Variants in DIS3L2 observed in about 807,000 individuals in gnomAD.
DIS3L2 encodes the protein DIS3 like 3'-5' exoribonuclease 2, also known as DIS3-like exonuclease 2.
DIS3L2 carries 34 observed loss-of-function variants against 97.5 expected under a neutral mutation model. The ratio of observed to expected loss-of-function variants is 0.35; its 90% confidence interval spans 0.27 to 0.46. The LOEUF is 0.46. Among genes scored for constraint, DIS3L2 ranks in the 20% least tolerant of loss-of-function variants. The pLI is 1.00. For synonymous variants in DIS3L2, 435 were observed against 445.2 expected, an observed-to-expected ratio of 0.98 and a Z score of 0.29; for missense variants, 1,038 against 1,146.0, an observed-to-expected ratio of 0.91 and a Z score of 1.36.
intron 5 of DIS3L2, among the ~76,000 whole-genome samples, chr2:232,038,523 G>A (rs1228993658): frequency 6.6e-6 from 1 of 152,188 alleles, no homozygotes; most frequent in Non-Finnish European, 1.5e-5. Flanking sequence ...GCAAGGCCAA[G>A]TAACCTGGCA....
exon 14 of DIS3L2, chr2:232,344,042 A>G (rs1444339862): frequency 6.4e-6 from 1 of 155,258 alleles, no homozygotes; most frequent in African/African-American, 2.4e-5. Context: ...CTGTAGGAGA[A>G]GACGCATTGC....
intron 4 of DIS3L2, among the ~76,000 whole-genome samples, chr2:232,026,692 C>T (rs962081662): frequency 6.6e-6 from 1 of 152,022 alleles, no homozygotes; most frequent in African/African-American, 2.4e-5. Context: ...AGCAGAGGTC[C>T]TATGGTTCCT....
intron 1 of DIS3L2, among the ~76,000 whole-genome samples, chr2:231,974,080 A>G (rs1417676138): frequency 6.6e-6 from 1 of 152,060 alleles, no homozygotes; most frequent in East Asian, 1.9e-4. Context: ...TTTTCCTTTC[A>G]TATGCAAAGA....
rs1690715687 is a variant in DIS3L2 at position 232,163,513 on chromosome 2, A to C, written c.1005A>C (p.Gly335=). 5.6e-6 allele frequency: 9 copies of C among 1,614,064 alleles called. No individual in the cohort carries two copies. The highest frequency in any genetic ancestry group is 6.8e-6 in the Non-Finnish European group (8 of 1,180,020). ...GTGAAATTGAGCCTGAAACAGAAGG[A>C]ATACTAACAGAGTATGGCGTGGATT... is the stretch of plus-strand genomic sequence containing the variant. ...QAGEIEPETE[G]ILTEYGVDFS... The change falls in exon 9 of 21, where the codon GGA becomes GGC. Residue 335 remains glycine (G), a synonymous_variant. Coordinates refer to ENST00000325385, the MANE Select transcript of DIS3L2 (RefSeq NM_152383.5).
At chr2:232,315,385 T>A (rs1340618085) in intron 14 of DIS3L2, among the ~76,000 whole-genome samples, 3 of 152,178 alleles carry the variant, frequency 2.0e-5, no homozygotes, top group Non-Finnish European at 1.5e-5. Context: ...AAGAAACAGG[T>A]CATAGGACTG....
intron 11 of DIS3L2, among the ~76,000 whole-genome samples, chr2:232,247,991 A>G (rs2853357): frequency 0.22 from 33,697 of 152,152 alleles, 4,497 homozygotes; most frequent in South Asian, 0.47. Flanking sequence ...GTAGTCATTA[A>G]GTTTCATACA....
chr2:232,046,580 G>A (rs1343653348), intron 5 of DIS3L2, among the ~76,000 whole-genome samples: 1 of 152,142 alleles, frequency 6.6e-6, no homozygotes, highest in Non-Finnish European at 1.5e-5. Flanking sequence ...GGGCTTCAGA[G>A]GTTTCAAGTA....
chr2:232,325,964 G>A lies in DIS3L2; in HGVS notation c.1740-3849G>A, dbSNP rs1008406674. The stretch of plus-strand genomic sequence containing the variant: ...CCACTCTGCGCCCTTCGGGGCTCCC[G>A]TGGCCCAGAGTGTGGAGCGGCTCAA... On this transcript the variant is annotated intron_variant, in intron 14 of 20. Coordinates refer to ENST00000325385, the MANE Select transcript of DIS3L2 (RefSeq NM_152383.5). This position sits in a 1 kb window ranked among gnomAD's most constrained non-coding sequence, Gnocchi z 4.6. Among the ~76,000 whole-genome samples, 4 of 152,194 alleles carry A rather than the reference G, an allele frequency of 2.6e-5. No homozygotes were observed. Among genetic ancestry groups the A allele is most frequent in the African/African-American group, 9.7e-5 (4 of 41,440 alleles).
chr2:232,072,984 C>T (rs1398090178), intron 5 of DIS3L2, among the ~76,000 whole-genome samples: 1 of 152,090 alleles, frequency 6.6e-6, no homozygotes, highest in East Asian at 1.9e-4. Flanking sequence ...TTTGGATTAG[C>T]TACCCTAAGC....
rs1472127498 is a variant in DIS3L2 at position 231,984,543 on chromosome 2, C to T, written c.-94+22778C>T. 2.0e-5 allele frequency among the ~76,000 whole-genome samples: 3 copies of T among 151,730 alleles called. No homozygotes were observed. In the East Asian group the frequency reaches 5.8e-4, roughly 29 times the overall value. On this transcript the variant is annotated intron_variant, in intron 1 of 20. Coordinates refer to ENST00000325385, the MANE Select transcript of DIS3L2 (RefSeq NM_152383.5). ...CTGGGACTACAGGCGCCTGCTACCA[C>T]GCCCGGCTAATTTTTTTTTTTTTGT...
chr2:231,976,934 A>AT (rs1414975553), intron 1 of DIS3L2, among the ~76,000 whole-genome samples: 6 of 151,256 alleles, frequency 4.0e-5, no homozygotes, highest in Non-Finnish European at 8.8e-5. Flanking sequence ...CGCCCAGCTA[A>AT]TTTTTTGTAT....
In DIS3L2 at chr2:232,336,742, TTTG is replaced by T; in HGVS notation, c.*115_*117del. The T allele has an allele frequency of 2.7e-6, 4 of 1,487,228 alleles. No individual in the cohort carries two copies. 92.1% of individuals were successfully genotyped at this position (1,487,228 alleles called of 1,614,324 possible). A position where few individuals can be genotyped will look rare whatever the true frequency, so the allele number is the denominator to read the frequency against. The stretch of plus-strand genomic sequence containing the variant: ...AATTTGGTTTTTAACAACTCAGGGG[TTTG>T]TTTTTATTTTTATTTAATTTTTGCA... On this transcript the variant is annotated 3_prime_UTR_variant, in exon 21 of 21. Coordinates refer to ENST00000325385, the MANE Select transcript of DIS3L2 (RefSeq NM_152383.5).
At chr2:232,192,005 A>G (rs1259529059) in intron 9 of DIS3L2, among the ~76,000 whole-genome samples, 1 of 152,096 alleles carries the variant, frequency 6.6e-6, no homozygotes, top group Non-Finnish European at 1.5e-5. Flanking sequence ...TCTCTACCCT[A>G]GTGTTTGTTA....
At chr2:232,296,326 G>T (rs542156464) in intron 13 of DIS3L2, among the ~76,000 whole-genome samples, 1 of 152,332 alleles carries the variant, frequency 6.6e-6, no homozygotes, top group South Asian at 2.1e-4. Context: ...ATTGTGGTTT[G>T]CTCAAACTAC....
At position 232,336,801 on chromosome 2, in the gene DIS3L2, G is replaced by T; in HGVS notation, c.*171G>T. On this transcript the variant is annotated 3_prime_UTR_variant, in exon 21 of 21. Transcript: ENST00000325385. ...ACTTTTAAACAAACTGCAGGGGAGA[G>T]GGTGGGGCTGGAAGGAAGGCTGAGG... 7.0e-7 allele frequency: 1 copy of T among 1,433,984 alleles called. No individual in the cohort carries two copies. Among genetic ancestry groups the T allele is most frequent in the South Asian group, 1.5e-5 (1 of 67,854 alleles). The allele number at this position is 1,433,984 out of a possible 1,614,324, so 88.8% of individuals were successfully genotyped here.
At chr2:232,162,854 T>C (rs1193956314) in intron 8 of DIS3L2, among the ~76,000 whole-genome samples, 2 of 152,228 alleles carry the variant, frequency 1.3e-5, no homozygotes, top group Non-Finnish European at 2.9e-5. Flanking sequence ...CTGTTCATAA[T>C]GTTAGCATTG....
At chr2:232,301,057 C>T (rs182155437) in intron 14 of DIS3L2, among the ~76,000 whole-genome samples, 3 of 152,308 alleles carry the variant, frequency 2.0e-5, no homozygotes, top group Admixed American at 2.0e-4. Context: ...ATGGTAATGA[C>T]AGCGGCTACC....
intron 14 of DIS3L2, among the ~76,000 whole-genome samples, chr2:232,313,584 A>G (rs1485023389): frequency 6.6e-6 from 1 of 152,226 alleles, no homozygotes; most frequent in Non-Finnish European, 1.5e-5. Flanking sequence ...CACTTTTGTC[A>G]TAGATGACCG....
intron 1 of DIS3L2, among the ~76,000 whole-genome samples, chr2:231,974,067 C>A (rs1237416351): frequency 6.6e-6 from 1 of 152,062 alleles, no homozygotes; most frequent in African/African-American, 2.4e-5. Context: ...TATACTTTAA[C>A]CTTTTTCCTT....
Sources: allele counts gnomAD v4.1 joint callset (sites outside exome capture counted in the v4.1 genomes callset), GRCh38; gene constraint gnomAD v4.1.1; non-coding constraint Gnocchi (gnomAD v3.1); transcripts MANE v1.5; gene names NCBI Gene and HGNC (gene_info 2026-07-23, HGNC 2026-07-21).